PCDH11X: variants seen among roughly 807,000 people sequenced by gnomAD.
The protein encoded by PCDH11X is protocadherin-11 X-linked.
PCDH11X carries 18 observed loss-of-function variants against 53.3 expected under a neutral mutation model. That is an observed-to-expected ratio of 0.34 (90% CI 0.23 to 0.50). The LOEUF (loss-of-function observed/expected upper bound fraction) is 0.50. Ranked by LOEUF, PCDH11X falls within the 20% of genes least tolerant of loss-of-function variation. The pLI is 0.98. For synonymous variants in PCDH11X, 279 were observed against 393.3 expected, an observed-to-expected ratio of 0.71 and a Z score of 3.44; for missense variants, 570 against 1,032.4, an observed-to-expected ratio of 0.55 and a Z score of 6.14.
chrX:92,586,396 A>G (rs1364274804), intron 10 of PCDH11X, among the ~76,000 whole-genome samples: 1 of 110,784 alleles, frequency 9.0e-6, no homozygotes, highest in East Asian at 2.8e-4. Context: ...CAAATTATAT[A>G]AGAGTAAGAC....
chrX:92,244,374 G>A (rs761645259), intron 7 of PCDH11X, among the ~76,000 whole-genome samples: 1 of 107,279 alleles, frequency 9.3e-6, no homozygotes, highest in South Asian at 4.1e-4. Flanking sequence ...GGACCCTAAA[G>A]CAAAAGTTTT....
chrX:91,970,891 G>A (rs942347356), intron 6 of PCDH11X, among the ~76,000 whole-genome samples: 15 of 111,522 alleles, frequency 1.3e-4, no homozygotes, highest in African/African-American at 2.6e-4. Flanking sequence ...ATGATTGTTC[G>A]TTCCTTTCAG....
At chrX:91,909,164 C>T (rs995798666) in intron 6 of PCDH11X, among the ~76,000 whole-genome samples, 30 of 110,856 alleles carry the variant, frequency 2.7e-4, no homozygotes, top group African/African-American at 8.2e-4. Flanking sequence ...TGTTTTGCTC[C>T]AAAACGTGTA....
chrX:92,623,018 A>C lies in PCDH11X; in HGVS notation c.*4078A>C, dbSNP rs1398029661. 4 of 110,584 alleles carry C rather than the reference A, an allele frequency of 3.6e-5. No individual in the cohort carries two copies. The highest frequency in any genetic ancestry group is 9.8e-5 in the Admixed American group (1 of 10,253). The allele number at this position is 110,584 out of a possible 1,213,427, so 9.1% of individuals were successfully genotyped here. ...ATGTATTTATGTTTGTATTGTGGGA[A>C]GATTCCTCCTCTGTGATATCATACA... On this transcript the variant is annotated 3_prime_UTR_variant, in exon 11 of 11. Transcript: ENST00000682573.
chrX:92,363,819 G>A (rs183654051), intron 8 of PCDH11X, among the ~76,000 whole-genome samples: 2,239 of 110,826 alleles, frequency 0.02, 50 homozygotes, highest in African/African-American at 0.07. Context: ...TGTTAAAATA[G>A]TTTCCTTGTA....
chrX:92,175,803 C>CAG (rs1231083619), intron 6 of PCDH11X, among the ~76,000 whole-genome samples: 2 of 94,723 alleles, frequency 2.1e-5, no homozygotes, highest in Admixed American at 1.2e-4. Flanking sequence ...CACACACACA[C>CAG]AGAGAGAGAG....
At chrX:91,924,054 C>A (rs936728266) in intron 6 of PCDH11X, among the ~76,000 whole-genome samples, 3 of 109,566 alleles carry the variant, frequency 2.7e-5, no homozygotes, top group Non-Finnish European at 3.8e-5. Flanking sequence ...CAAAAAAACT[C>A]ATAATAACAA....
chrX:91,938,861 G>T (rs1368368055), intron 6 of PCDH11X, among the ~76,000 whole-genome samples: 1 of 110,371 alleles, frequency 9.1e-6, no homozygotes, highest in Non-Finnish European at 1.9e-5. Context: ...AGGCCTGAAA[G>T]AATCAAACTT....
chrX:92,323,866 C>T (rs1220097399), intron 8 of PCDH11X, among the ~76,000 whole-genome samples: 2 of 111,420 alleles, frequency 1.8e-5, no homozygotes, highest in Non-Finnish European at 3.8e-5. Flanking sequence ...AATGGGATAA[C>T]TTTACACAGT....
intron 1 of PCDH11X, among the ~76,000 whole-genome samples, chrX:91,796,528 G>C (rs984018609): frequency 3.6e-5 from 4 of 111,032 alleles, no homozygotes; most frequent in Admixed American, 2.9e-4. Context: ...GTTGGAAACT[G>C]TTAAAGGACT....
chrX:92,115,864 G>A (rs1156331700), intron 6 of PCDH11X, among the ~76,000 whole-genome samples: 2 of 107,201 alleles, frequency 1.9e-5, no homozygotes. Context: ...TCACTGACTC[G>A]AATGTTAATC....
chrX:92,427,966 A>G (rs1391786422), intron 9 of PCDH11X, among the ~76,000 whole-genome samples: 1 of 86,727 alleles, frequency 1.2e-5, no homozygotes, highest in Non-Finnish European at 2.2e-5. Flanking sequence ...TTGCTATTAG[A>G]GTGTTTAACT....
chrX:92,120,394 G>A (rs1362599442), intron 6 of PCDH11X, among the ~76,000 whole-genome samples: 3 of 111,649 alleles, frequency 2.7e-5, no homozygotes, highest in South Asian at 7.3e-4. Context: ...TCCTGACCTC[G>A]TGATCCACCC....
chrX:92,479,035 G>T (rs2073447714), intron 10 of PCDH11X, among the ~76,000 whole-genome samples: 1 of 110,519 alleles, frequency 9.0e-6, no homozygotes, highest in Non-Finnish European at 1.9e-5. Flanking sequence ...TTATGAATCT[G>T]AGTGCTAATG....
intron 6 of PCDH11X, among the ~76,000 whole-genome samples, chrX:92,090,958 G>A (rs1657205889): frequency 8.9e-6 from 1 of 112,208 alleles, no homozygotes; most frequent in Non-Finnish European, 1.9e-5. Context: ...GGAGCAGTAA[G>A]CACTACAGCT....
At chrX:92,417,267 G>GTT (rs753824365) in intron 9 of PCDH11X, among the ~76,000 whole-genome samples, 13 of 111,870 alleles carry the variant, frequency 1.2e-4, no homozygotes, top group Non-Finnish European at 2.3e-4. Context: ...TTTGCAAAGT[G>GTT]TCAAACACTT....
intron 6 of PCDH11X, among the ~76,000 whole-genome samples, chrX:91,998,454 A>G (rs1399465757): frequency 1.4e-4 from 15 of 104,718 alleles, no homozygotes; most frequent in African/African-American, 5.3e-4. Flanking sequence ...AAAGATTGAT[A>G]AAATTTGATA....
chrX:91,814,612 G>GAATTGTGATGT (rs911095468), intron 4 of PCDH11X, among the ~76,000 whole-genome samples: 2 of 93,140 alleles, frequency 2.1e-5, no homozygotes, highest in African/African-American at 7.9e-5. Flanking sequence ...TTCGCATGTG[G>GAATTGTGATGT]AATTGTGATG....
chrX:92,080,929 T>A (rs1042591601), intron 6 of PCDH11X, among the ~76,000 whole-genome samples: 9 of 111,214 alleles, frequency 8.1e-5, no homozygotes, highest in African/African-American at 2.9e-4. Context: ...TTCCTGTTCT[T>A]GGTGATAAAA....
Sources: allele counts gnomAD v4.1 joint callset (sites outside exome capture counted in the v4.1 genomes callset), GRCh38; gene constraint gnomAD v4.1.1; transcripts MANE v1.5; gene names NCBI Gene and HGNC (gene_info 2026-07-23, HGNC 2026-07-21).